Variants in ENOSF1 observed in about 807,000 individuals in gnomAD.
ENOSF1 encodes enolase superfamily member 1.
ENOSF1 carries 73 observed loss-of-function variants against 68.2 expected under a neutral mutation model. The observed-to-expected ratio is 1.07, with a 90% CI of 0.89 to 1.30. The LOEUF (loss-of-function observed/expected upper bound fraction) is 1.30, where lower values mean the gene tolerates loss of function less well. ENOSF1 is among the 50% of genes most tolerant of loss of function. The pLI is 0.00. For synonymous variants in ENOSF1, 223 were observed against 210.4 expected (o/e 1.06, Z -0.52); for missense variants, 589 against 554.5 (o/e 1.06, Z -0.62).
At chr18:690,795 A>T (rs1388590129) in intron 7 of ENOSF1, 164 bp from the exon 8 acceptor site, 1 of 1,484,340 alleles carries the variant, frequency 6.7e-7, no homozygotes, top group Non-Finnish European at 8.9e-7. Context: ...AACCCAGGTG[A>T]TCAGGATACT....
At chr18:702,185 A>T (rs2078425519) in intron 2 of ENOSF1, among the ~76,000 whole-genome samples, 1 of 145,782 alleles carries the variant, frequency 6.9e-6, no homozygotes, top group African/African-American at 2.6e-5. Context: ...AATCGCTTGA[A>T]CCTGGGAGGT....
chr18:700,252 A>T (rs1199773573), intron 2 of ENOSF1, among the ~76,000 whole-genome samples: 3 of 152,174 alleles, frequency 2.0e-5, no homozygotes, highest in Non-Finnish European at 4.4e-5. Flanking sequence ...TCTGGTTCAG[A>T]CATTCATTCC....
At chr18:688,533 CT>C in intron 9 of ENOSF1, 40 bp downstream of exon 9, 2 of 1,613,774 alleles carry the variant, frequency 1.2e-6, no homozygotes, top group South Asian at 2.2e-5. Flanking sequence ...TGAGTCTCTC[CT>C]GCCGCCAACT....
chr18:692,286 A>G (rs913463916), intron 5 of ENOSF1: 2 of 152,018 alleles, frequency 1.3e-5, no homozygotes, highest in Non-Finnish European at 2.9e-5. Context: ...AAATCCTAAA[A>G]ACTCTTTCAA....
Position 671,266 on chromosome 18 carries a change from T to C in ENOSF1, c.*3039A>G, listed in dbSNP as rs75213306. 1 of 789,828 alleles carries C rather than the reference T, an allele frequency of 1.3e-6. No homozygotes were observed. Among genetic ancestry groups the C allele is most frequent in the African/African-American group, 1.7e-5 (1 of 57,722 alleles). The allele number at this position is 789,828 out of a possible 1,614,324, so 48.9% of individuals were successfully genotyped here. ...CTACAAAAAAATGGAAAAGCTACAC[T>C]AAATTATTTTTTTAAAAAAAGCCTT... On this transcript the variant is annotated 3_prime_UTR_variant, in exon 16 of 16. Transcript: ENST00000647584.
intron 7 of ENOSF1, 144 bp downstream of exon 7, chr18:690,924 C>A: frequency 8.5e-7 from 1 of 1,178,218 alleles, no homozygotes; most frequent in Admixed American, 2.4e-5. Flanking sequence ...GCAGGCTTCA[C>A]CATGCAGACT....
chr18:706,345 T>C, intron 2 of ENOSF1, 125 bp downstream of exon 2: 2 of 695,334 alleles, frequency 2.9e-6, no homozygotes, highest in Non-Finnish European at 5.1e-6. Context: ...TTGAGCAGTG[T>C]AAATACAGAT....
At chr18:698,972 C>T (rs1460164889) in intron 2 of ENOSF1, among the ~76,000 whole-genome samples, 4 of 152,064 alleles carry the variant, frequency 2.6e-5, no homozygotes, top group Non-Finnish European at 5.9e-5. Context: ...TTGTCTCAGC[C>T]TCCTGAGTAG....
chr18:692,727 TCCCTTTTG>T, intron 5 of ENOSF1: 4 of 990,838 alleles, frequency 4.0e-6, no homozygotes, highest in Non-Finnish European at 4.8e-6. Context: ...TGCAAATCAT[TCCCTTTTG>T]GTGGCTACCT....
rs1362923669 is a variant in ENOSF1 at position 677,431 on chromosome 18, G to C, written c.1062C>G (p.Pro354=). The change falls in exon 14 of 16, where the codon CCC becomes CCG. Residue 354 remains proline, a synonymous_variant. Transcript: ENST00000647584. The part of the protein sequence containing the change: ...MAKKFEIPVC[P]HAGGVGLCEL... The stretch of plus-strand genomic sequence containing the variant: ...CACAGAGGCCAACTCCACCAGCATG[G>C]GGGCAAACAGGAACTAAAAGGAAAT... The C allele has an allele frequency of 1.9e-6, 3 of 1,612,778 alleles. No homozygotes were observed. Among genetic ancestry groups the C allele is most frequent in the Non-Finnish European group, 2.5e-6 (3 of 1,179,720 alleles).
At chr18:669,062 A>C, downstream of ENOSF1, 1 of 1,611,748 alleles carries the variant, frequency 6.2e-7, no homozygotes, top group Non-Finnish European at 8.5e-7. Flanking sequence ...TCTTTTTGAC[A>C]ATTCTACAGA....
In ENOSF1 at chr18:677,658, T is replaced by C. The variant is rs1257432419; in HGVS notation, c.1048+85A>G. ...CGAAATGGCAAACTACAGACTCCCA[T>C]GCATGTGAATTGCAAACCATCAAGG... is the stretch of plus-strand genomic sequence containing the variant. On this transcript the variant is annotated intron_variant, in intron 13 of 15. Transcript: ENST00000647584. The C allele has an allele frequency of 6.6e-6, 10 of 1,510,212 alleles. No homozygotes were observed. In the African/African-American group the frequency reaches 1.3e-4, roughly 19 times the overall value. 93.6% of individuals were successfully genotyped at this position (1,510,212 alleles called of 1,614,324 possible).
chr18:712,289 G>A (rs2145597050), intron 1 of ENOSF1: 4 of 1,528,028 alleles, frequency 2.6e-6, no homozygotes, highest in Non-Finnish European at 3.5e-6. Context: ...TTCGAAGTCG[G>A]GAAGCTGCCC....
chr18:705,312 G>C (rs1303100328), intron 2 of ENOSF1, among the ~76,000 whole-genome samples: 1 of 152,190 alleles, frequency 6.6e-6, no homozygotes. Flanking sequence ...AAATTGATCT[G>C]GCGAAGGCCA....
At chr18:667,148 GT>G (rs1408874726), downstream of ENOSF1, among the ~76,000 whole-genome samples, 2 of 99,768 alleles carry the variant, frequency 2.0e-5, no homozygotes, top group Non-Finnish European at 3.9e-5. Flanking sequence ...GATGGTGATG[GT>G]GATGGTGATG....
intron 11 of ENOSF1, 56 bp from the exon 12 acceptor site, chr18:678,793 T>G: frequency 1.9e-6 from 3 of 1,573,984 alleles, no homozygotes; most frequent in Non-Finnish European, 1.7e-6. Context: ...CTGCAACTCC[T>G]AATGTTTAAA....
In ENOSF1 at chr18:677,370, A is replaced by C; in HGVS notation, c.1123T>G (p.Ser375Ala). Reference sequence around the variant, plus strand: ...CTATTTTCAAGGCTTGCAGAAACTGATATGTAGTCAAATATAATCAGGTGC... The same window carrying C: ...CTATTTTCAAGGCTTGCAGAAACTGCTATGTAGTCAAATATAATCAGGTGC... The part of the protein sequence containing the change: ...VQHLIIFDYI[S>A]VSASLENRVC... The change falls in exon 14 of 16, where the codon TCA (serine) becomes GCA (alanine). Residue 375 changes from serine to alanine, a missense_variant. Ser to Ala is a moderately conservative substitution (Grantham distance 99). Coordinates refer to ENST00000647584, the MANE Select transcript of ENOSF1 (RefSeq NM_017512.7). The C allele has an allele frequency of 6.2e-7, 1 of 1,613,894 alleles. No homozygotes were observed. Among genetic ancestry groups the C allele is most frequent in the South Asian group, 1.1e-5 (1 of 91,028 alleles).
At chr18:693,990 T>G in intron 4 of ENOSF1, 82 bp from the exon 5 acceptor site, 7 of 1,154,534 alleles carry the variant, frequency 6.1e-6, no homozygotes, top group Non-Finnish European at 7.5e-6. Flanking sequence ...TTGGCAGCTC[T>G]AATGCTGGCT....
intron 5 of ENOSF1, chr18:693,022 C>G (rs1226747665): frequency 2.4e-6 from 3 of 1,241,350 alleles, no homozygotes; most frequent in African/African-American, 1.5e-5. Context: ...TGCACTGAGG[C>G]CACCGCAGCT....
Sources: gnomAD v4.1 joint callset for allele counts (sites outside exome capture counted in the v4.1 genomes callset) on GRCh38, gnomAD v4.1.1 for gene constraint, MANE v1.5 for transcripts, NCBI Gene and HGNC (gene_info 2026-07-23, HGNC 2026-07-21) for gene names.